Variants in PRIM2 observed in about 807,000 individuals in gnomAD.
PRIM2 encodes DNA primase large subunit.
In PRIM2, 39 loss-of-function variants were observed where a neutral mutation model predicts 67.3. That is an observed-to-expected ratio of 0.58 (90% CI 0.45 to 0.76). The LOEUF is 0.76. Ranked by LOEUF, PRIM2 falls within the 30% of genes least tolerant of loss-of-function variation. PRIM2 has a pLI of 0.00. For missense variants in PRIM2, 398 were observed against 598.7 expected (o/e 0.66, Z 3.50); for synonymous variants, 143 against 198.7 (o/e 0.72, Z 2.36).
intron 8 of PRIM2, among the ~76,000 whole-genome samples, chr6:57,511,822 T>C (rs2127461023): frequency 6.6e-6 from 1 of 152,330 alleles, no homozygotes; most frequent in East Asian, 1.9e-4. Context: ...AAGCTTGAGA[T>C]ACCTGTGGGG....
At chr6:57,254,475 C>G in the PRIM2 span, among the ~76,000 whole-genome samples, 1 of 152,138 alleles carries the variant, frequency 6.6e-6, no homozygotes, top group Non-Finnish European at 1.5e-5. Flanking sequence ...CTAACACAGG[C>G]CTCTGTAACA....
chr6:57,366,273 G>A (rs1769354953), intron 5 of PRIM2, among the ~76,000 whole-genome samples: 2 of 152,158 alleles, frequency 1.3e-5, no homozygotes, highest in African/African-American at 4.8e-5. Flanking sequence ...GAAAGACATG[G>A]TGCGCTATAG....
At chr6:57,362,308 T>G (rs9464449) in intron 5 of PRIM2, among the ~76,000 whole-genome samples, 9 of 152,284 alleles carry the variant, frequency 5.9e-5, no homozygotes, top group South Asian at 4.1e-4. Flanking sequence ...TTGCCAAAGA[T>G]TTGATTTCCT....
intron 7 of PRIM2, among the ~76,000 whole-genome samples, chr6:57,481,583 G>A (rs1773630426): frequency 6.6e-6 from 1 of 151,362 alleles, no homozygotes; most frequent in Non-Finnish European, 1.5e-5. Flanking sequence ...ATAGGTTTTT[G>A]GGTTTTTTTT....
chr6:57,476,189 CTAAT>C (rs1285548603), intron 7 of PRIM2, among the ~76,000 whole-genome samples: 1 of 152,110 alleles, frequency 6.6e-6, no homozygotes, highest in African/African-American at 2.4e-5. Context: ...TAGTTTAAAA[CTAAT>C]AAATAGTAAA....
At chr6:57,517,399 A>C (rs1774507805) in intron 8 of PRIM2, among the ~76,000 whole-genome samples, 1 of 152,166 alleles carries the variant, frequency 6.6e-6, no homozygotes, top group Admixed American at 6.5e-5. Flanking sequence ...ATGCTATGTA[A>C]TAGAACTTTC....
the PRIM2 span, among the ~76,000 whole-genome samples, chr6:57,225,428 T>G: frequency 6.6e-6 from 1 of 152,216 alleles, no homozygotes; most frequent in Non-Finnish European, 1.5e-5. Flanking sequence ...AATGAAAGCC[T>G]GCATGGAAAC....
At chr6:57,365,326 C>T (rs1358171509) in intron 5 of PRIM2, among the ~76,000 whole-genome samples, 1 of 150,842 alleles carries the variant, frequency 6.6e-6, no homozygotes. Context: ...GCATGTTTTC[C>T]CTCCATCTCT....
At position 57,412,079 on chromosome 6, in the gene PRIM2, A is replaced by G. The variant is rs141392694; in HGVS notation, c.693+29911A>G. Among the ~76,000 whole-genome samples, 766 of 151,014 alleles carry G rather than the reference A, an allele frequency of 5.1e-3. 3 individuals carry two copies. The highest frequency in any genetic ancestry group is 8.6e-3 in the Admixed American group (131 of 15,190). ...AAAGCTCTGTGGTTTTAACAAATAT[A>G]TAAGTATGCTAATTTTAAAACACTA... On this transcript the variant is annotated intron_variant, in intron 7 of 13. Coordinates refer to ENST00000615550, the MANE Select transcript of PRIM2 (RefSeq NM_000947.5).
chr6:57,370,257 C>T (rs1769498293), intron 5 of PRIM2, among the ~76,000 whole-genome samples: 1 of 152,072 alleles, frequency 6.6e-6, no homozygotes, highest in African/African-American at 2.4e-5. Flanking sequence ...AGGTATGCAG[C>T]AGGTAATCTC....
Position 57,629,409 on chromosome 6 carries a change from G to A in PRIM2, c.1231-2724G>A, listed in dbSNP as rs1480635262. Among the ~76,000 whole-genome samples, 68 of 152,146 alleles carry A rather than the reference G, an allele frequency of 4.5e-4. 1 individual carries two copies. Among genetic ancestry groups the A allele is most frequent in the African/African-American group, 1.5e-3 (64 of 41,520 alleles). ...TATGATAGGTTTGTTTTTCATATTC[G>A]CATTTTCCCGAGTTTTAGAACTAGT... On this transcript the variant is annotated intron_variant, in intron 12 of 13. Coordinates refer to ENST00000615550, the MANE Select transcript of PRIM2 (RefSeq NM_000947.5).
chr6:57,516,704 T>G (rs1365997300), intron 8 of PRIM2, among the ~76,000 whole-genome samples: 1 of 152,028 alleles, frequency 6.6e-6, no homozygotes, highest in Non-Finnish European at 1.5e-5. Flanking sequence ...CAGTAATACA[T>G]GCTCACACAC....
At position 57,510,164 on chromosome 6, in the gene PRIM2, A is replaced by G. The variant is rs1554347567; in HGVS notation, c.761+2710A>G. ...TACTGTTTGATTTCTCCATTATAGT[A>G]TGCTTGAAAGCTTGTAAAGTGATGT... On this transcript the variant is annotated intron_variant, in intron 8 of 13. Transcript: ENST00000615550. Among the ~76,000 whole-genome samples the G allele has an allele frequency of 1.1e-3, 166 of 152,242 alleles. 1 individual carries two copies. The highest frequency in any genetic ancestry group is 3.7e-3 in the African/African-American group (153 of 41,558).
intron 13 of PRIM2, among the ~76,000 whole-genome samples, chr6:57,633,737 G>A (rs1478604099): frequency 1.5e-4 from 23 of 151,970 alleles, no homozygotes; most frequent in Non-Finnish European, 2.9e-4. Flanking sequence ...CCTTGCATGC[G>A]GGGTTCACAA....
At position 57,337,576 on chromosome 6, in the gene PRIM2, A is replaced by G. The variant is rs1692873552; in HGVS notation, c.459+11531A>G. Among the ~76,000 whole-genome samples the G allele has an allele frequency of 2.6e-5, 4 of 152,118 alleles. 1 individual carries two copies. In the South Asian group the frequency reaches 8.3e-4, roughly 32 times the overall value. ...GAATCTCACTCAAAACCACTCAACT[A>G]CATGGAAACTGAACAACCTGCTCCT... On this transcript the variant is annotated intron_variant, in intron 5 of 13. Transcript: ENST00000615550.
At chr6:57,644,464 G>T (rs1475209674) in intron 13 of PRIM2, among the ~76,000 whole-genome samples, 75 of 152,246 alleles carry the variant, frequency 4.9e-4, no homozygotes, top group African/African-American at 1.7e-3. Context: ...TCCATTCTTG[G>T]TAGAGGTTTT....
At chr6:57,508,087 G>T (rs1414308224) in intron 8 of PRIM2, among the ~76,000 whole-genome samples, 1 of 152,030 alleles carries the variant, frequency 6.6e-6, no homozygotes, top group African/African-American at 2.4e-5. Context: ...CAGGTGTGGG[G>T]CACCTCGCCT....
the PRIM2 span, among the ~76,000 whole-genome samples, chr6:57,233,599 CCCCTCCCTCCCT>C: frequency 7.5e-6 from 1 of 133,714 alleles, no homozygotes; most frequent in African/African-American, 2.8e-5. Flanking sequence ...TTCCCTCCTC[CCCCTCCCTCCCT>C]CCCTCCCTCC....
intron 7 of PRIM2, among the ~76,000 whole-genome samples, chr6:57,399,205 G>A (rs1269155545): frequency 6.6e-6 from 1 of 151,866 alleles, no homozygotes; most frequent in East Asian, 1.9e-4. Context: ...CTGACCCCAC[G>A]ACAGGCCCTG....
Sources: gnomAD v4.1 joint callset for allele counts (sites outside exome capture counted in the v4.1 genomes callset) on GRCh38, gnomAD v4.1.1 for gene constraint, MANE v1.5 for transcripts, NCBI Gene and HGNC (gene_info 2026-07-23, HGNC 2026-07-21) for gene names.